The following TTC6 variants were observed in gnomAD, a reference collection of about 807,000 sequenced individuals.
TTC6 encodes tetratricopeptide repeat domain 6, also known as tetratricopeptide repeat protein 6.
A neutral mutation model predicts 210.4 loss-of-function variants in TTC6; 172 were observed. That is an observed-to-expected ratio of 0.82 (90% CI 0.72 to 0.93). The LOEUF (loss-of-function observed/expected upper bound fraction) is 0.93. TTC6 is among the 40% of genes least tolerant of loss of function. The probability of loss-of-function intolerance (pLI) is 0.00; values close to 1 mark genes in which losing one functional copy is unlikely to be tolerated. For missense variants in TTC6, 2,414 were observed against 2,318.1 expected (o/e 1.04, Z -0.85); for synonymous variants, 804 against 819.6 (o/e 0.98, Z 0.32).
At chr14:37,629,364 A>G (rs186084229) in intron 1 of TTC6, among the ~76,000 whole-genome samples, 1 of 151,760 alleles carries the variant, frequency 6.6e-6, no homozygotes, top group African/African-American at 2.4e-5. Context: ...TTTTCTTTGC[A>G]GCATTTGTGA....
At chr14:37,627,978 T>G (rs778496060) in intron 1 of TTC6, among the ~76,000 whole-genome samples, 1 of 152,120 alleles carries the variant, frequency 6.6e-6, no homozygotes, top group Non-Finnish European at 1.5e-5. Context: ...CTTGTTTTTG[T>G]TTTTGTTTTG....
intron 1 of TTC6, among the ~76,000 whole-genome samples, chr14:37,636,617 G>A (rs1048294701): frequency 3.9e-5 from 6 of 152,136 alleles, no homozygotes; most frequent in Non-Finnish European, 7.3e-5. Context: ...TAGTAATGAT[G>A]AGGGGAAAAT....
At chr14:37,649,607 C>T (rs2095707620) in intron 1 of TTC6, among the ~76,000 whole-genome samples, 1 of 152,200 alleles carries the variant, frequency 6.6e-6, no homozygotes, top group African/African-American at 2.4e-5. Context: ...CGGAAAGAGG[C>T]TCTTGTCTGT....
chr14:37,597,080 T>G (rs773715025), intron 1 of TTC6, among the ~76,000 whole-genome samples: 1 of 151,466 alleles, frequency 6.6e-6, no homozygotes, highest in Non-Finnish European at 1.5e-5. Flanking sequence ...TGAGTGAAAT[T>G]AAATCCACCT....
At chr14:37,637,120 A>G (rs1472704903) in intron 1 of TTC6, among the ~76,000 whole-genome samples, 1 of 151,988 alleles carries the variant, frequency 6.6e-6, no homozygotes, top group African/African-American at 2.4e-5. Context: ...AAACCAAAAA[A>G]GAAGAACGAA....
At chr14:37,647,300 T>C (rs2095703356) in intron 1 of TTC6, among the ~76,000 whole-genome samples, 2 of 152,188 alleles carry the variant, frequency 1.3e-5, no homozygotes, top group East Asian at 1.9e-4. Context: ...CAATAGATTA[T>C]AGGTGGAAAA....
chr14:37,724,873 A>T (rs1489392282), intron 6 of TTC6, 25 bp from the exon 9 acceptor site: 2 of 1,374,052 alleles, frequency 1.5e-6, no homozygotes, highest in African/African-American at 2.9e-5. Flanking sequence ...ACCATTTCTA[A>T]TAACCTTTTA....
rs541684997 is a variant in TTC6 at position 37,790,843 on chromosome 14, T to A, written c.3557+6T>A. ...ACTGTCATTTCTCTAGAAAGGTATG[T>A]TTTCCTTTTCATATTTATTGATTTC... On this transcript the variant is annotated splice_donor_region_variant and intron_variant, in intron 16 of 30. Transcript: ENST00000553443. The A allele has an allele frequency of 1.5e-4, 230 of 1,517,522 alleles. No individual in the cohort carries two copies. The African/African-American group carries it at 3.0e-3, about 20-fold the overall frequency. The allele number at this position is 1,517,522 out of a possible 1,614,324, so 94.0% of individuals were successfully genotyped here.
At chr14:37,734,830 C>T (rs980293684) in intron 7 of TTC6, among the ~76,000 whole-genome samples, 1 of 152,074 alleles carries the variant, frequency 6.6e-6, no homozygotes, top group African/African-American at 2.4e-5. Flanking sequence ...TTAAAATAAG[C>T]AACCATTGAT....
chr14:37,820,847 G>A (rs111883258), intron 26 of TTC6, among the ~76,000 whole-genome samples: 3 of 151,998 alleles, frequency 2.0e-5, no homozygotes, highest in African/African-American at 7.2e-5. Context: ...ACTTGGAAAG[G>A]CAAAGTGGTC....
At chr14:37,630,907 G>GTTTTTTGTTTTTTTT (rs2095668323) in intron 1 of TTC6, among the ~76,000 whole-genome samples, 1 of 33,064 alleles carries the variant, frequency 3.0e-5, no homozygotes. Flanking sequence ...GGCAACCCCT[G>GTTTTTTGTTTTTTTT]TTTTTTTTTT....
intron 3 of TTC6, among the ~76,000 whole-genome samples, chr14:37,692,313 T>C (rs2095805439): frequency 6.7e-6 from 1 of 149,246 alleles, no homozygotes; most frequent in Non-Finnish European, 1.5e-5. Flanking sequence ...ATTAGCAAAC[T>C]GAATTCAACA....
intron 1 of TTC6, among the ~76,000 whole-genome samples, chr14:37,654,814 T>G (rs572059428): frequency 7.9e-5 from 12 of 152,324 alleles, no homozygotes; most frequent in African/African-American, 2.9e-4. Flanking sequence ...AAATTCAAAT[T>G]ATTTTACATA....
exon 16 of TTC6, chr14:37,790,824 A>G (rs1243712172): frequency 6.5e-7 from 1 of 1,533,582 alleles, no homozygotes; most frequent in East Asian, 2.5e-5. Flanking sequence ...TGAAACTGTC[A>G]TTTCTCTAGA....
chr14:37,680,892 A>T (rs2095782014), intron 2 of TTC6, among the ~76,000 whole-genome samples: 2 of 151,924 alleles, frequency 1.3e-5, no homozygotes, highest in Admixed American at 6.6e-5. Context: ...TGGAAATATG[A>T]CCCCCACATA....
intron 1 of TTC6, among the ~76,000 whole-genome samples, chr14:37,678,979 G>T (rs1157664279): frequency 6.6e-6 from 1 of 152,102 alleles, no homozygotes; most frequent in Non-Finnish European, 1.5e-5. Context: ...CCAGCACTTT[G>T]GGAGGCCAAG....
At chr14:37,797,386 G>T (rs1566961434) in intron 20 of TTC6, among the ~76,000 whole-genome samples, 1 of 151,804 alleles carries the variant, frequency 6.6e-6, no homozygotes, top group Admixed American at 6.6e-5. Context: ...TATGTCTTGT[G>T]GTCTTAATTC....
At chr14:37,802,221 C>T (rs972040955) in intron 20 of TTC6, 2 of 152,078 alleles carry the variant, frequency 1.3e-5, no homozygotes, top group African/African-American at 4.8e-5. Context: ...GAACAACACA[C>T]ACTGGGGCCT....
rs1157706900 is a variant in TTC6 at position 37,725,322 on chromosome 14, A to G, written c.1818+320A>G. On this transcript the variant is annotated intron_variant, in intron 7 of 30. Coordinates refer to ENST00000553443, the Ensembl canonical transcript of TTC6. ...TATGTGTGTGTGTGTGTATATATAT[A>G]TATATATATATATATATATATATAT... Among the ~76,000 whole-genome samples the G allele has an allele frequency of 7.4e-4, 61 of 82,234 alleles. 1 individual carries two copies. The highest frequency in any genetic ancestry group is 2.4e-3 in the African/African-American group (57 of 24,148). The allele number at this position is 82,234 out of a possible 152,430, so 53.9% of individuals were successfully genotyped here.
Sources: allele counts gnomAD v4.1 joint callset (sites outside exome capture counted in the v4.1 genomes callset), GRCh38; gene constraint gnomAD v4.1.1; transcripts MANE v1.5; gene names NCBI Gene and HGNC (gene_info 2026-07-23, HGNC 2026-07-21).